FAF1: variants seen among roughly 807,000 people sequenced by gnomAD.
FAF1 encodes FAS-associated factor 1.
FAF1 carries 25 observed loss-of-function variants against 92.5 expected under a neutral mutation model. That is an observed-to-expected ratio of 0.27 (90% CI 0.20 to 0.38). FAF1 has a LOEUF of 0.38. Among genes scored for constraint, FAF1 ranks in the 10% least tolerant of loss-of-function variants. The probability of loss-of-function intolerance (pLI) is 1.00; values close to 1 mark genes in which losing one functional copy is unlikely to be tolerated. For missense variants in FAF1, 636 were observed against 793.3 expected (o/e 0.80, Z 2.38); for synonymous variants, 234 against 273.2 (o/e 0.86, Z 1.42).
At chr1:50,940,685 T>C (rs1645125529) in intron 1 of FAF1, among the ~76,000 whole-genome samples, 1 of 152,252 alleles carries the variant, frequency 6.6e-6, no homozygotes. Context: ...AACATAATTA[T>C]TTACAGGTAC....
chr1:50,958,121 C>A (rs1283007236), intron 1 of FAF1, among the ~76,000 whole-genome samples: 1 of 152,040 alleles, frequency 6.6e-6, no homozygotes, highest in Non-Finnish European at 1.5e-5. Flanking sequence ...CATGGCAAGG[C>A]CCATCTCTAA....
At chr1:50,724,296 T>TACACACACACACACAC (rs974347882) in intron 6 of FAF1, among the ~76,000 whole-genome samples, 4 of 117,218 alleles carry the variant, frequency 3.4e-5, no homozygotes, top group South Asian at 2.8e-4. Flanking sequence ...CACACACACA[T>TACACACACACACACAC]ACACACACAC....
At chr1:50,905,802 C>A (rs924285058) in intron 1 of FAF1, among the ~76,000 whole-genome samples, 1 of 152,108 alleles carries the variant, frequency 6.6e-6, no homozygotes, top group African/African-American at 2.4e-5. Context: ...GGGTAGATTG[C>A]AAAATTTTTC....
intron 12 of FAF1, among the ~76,000 whole-genome samples, chr1:50,568,730 G>A (rs953335159): frequency 1.3e-5 from 2 of 152,158 alleles, no homozygotes; most frequent in Admixed American, 6.5e-5. Flanking sequence ...CTCTCAGATT[G>A]TCTAACTCCA....
chr1:50,845,899 G>A (rs1644294773), intron 2 of FAF1, among the ~76,000 whole-genome samples: 1 of 151,964 alleles, frequency 6.6e-6, no homozygotes, highest in Admixed American at 6.5e-5. Flanking sequence ...AAGACGGGTG[G>A]ATCACCTGAG....
intron 8 of FAF1, among the ~76,000 whole-genome samples, chr1:50,599,789 T>C (rs886161524): frequency 7.2e-5 from 11 of 152,166 alleles, no homozygotes; most frequent in African/African-American, 2.7e-4. Flanking sequence ...AAACAAATGA[T>C]GGGCAGACAA....
intron 6 of FAF1, among the ~76,000 whole-genome samples, chr1:50,722,329 T>C (rs1487949352): frequency 1.3e-5 from 2 of 152,098 alleles, no homozygotes; most frequent in African/African-American, 4.8e-5. Context: ...TCTAGAATGC[T>C]CAAAGACACG....
At chr1:50,567,648 C>T (rs887846815) in intron 12 of FAF1, among the ~76,000 whole-genome samples, 1 of 151,964 alleles carries the variant, frequency 6.6e-6, no homozygotes, top group East Asian at 1.9e-4. Flanking sequence ...TGACAAAATT[C>T]CTCTTACATA....
chr1:50,908,936 T>G (rs60244988), intron 1 of FAF1, among the ~76,000 whole-genome samples: 13,139 of 152,256 alleles, frequency 0.086, 583 homozygotes, highest in African/African-American at 0.098. Flanking sequence ...GCTGGTTACT[T>G]TCCTCATTAG....
At chr1:50,899,291 T>C (rs1644778768) in intron 1 of FAF1, among the ~76,000 whole-genome samples, 1 of 152,230 alleles carries the variant, frequency 6.6e-6, no homozygotes, top group Non-Finnish European at 1.5e-5. Flanking sequence ...ACATATGAAA[T>C]ATAGGTATAA....
intron 18 of FAF1, chr1:50,471,260 A>G (rs549647090): frequency 6.6e-6 from 1 of 152,362 alleles, no homozygotes; most frequent in South Asian, 2.1e-4. Context: ...TACAAGGGTG[A>G]GATCTATGCC....
intron 18 of FAF1, among the ~76,000 whole-genome samples, chr1:50,463,964 A>C (rs987693635): frequency 6.6e-6 from 1 of 152,200 alleles, no homozygotes; most frequent in Non-Finnish European, 1.5e-5. Flanking sequence ...ATGTTGAGAG[A>C]AGACAGAATA....
chr1:50,788,884 A>G (rs1661464417), intron 3 of FAF1, among the ~76,000 whole-genome samples: 1 of 152,124 alleles, frequency 6.6e-6, no homozygotes, highest in African/African-American at 2.4e-5. Flanking sequence ...CAGGCTGGAC[A>G]GCAGTGGCAC....
chr1:50,485,667 C>CAAAAAAAAAAAAAAAAAA (rs999538430), intron 17 of FAF1, among the ~76,000 whole-genome samples: 3 of 13,714 alleles, frequency 2.2e-4, no homozygotes, highest in African/African-American at 4.7e-4. Flanking sequence ...GAGACTGTCT[C>CAAAAAAAAAAAAAAAAAA]AAAAAAAAAA....
intron 1 of FAF1, among the ~76,000 whole-genome samples, chr1:50,925,571 T>C (rs550873441): frequency 1.8e-3 from 281 of 152,154 alleles, no homozygotes; most frequent in Non-Finnish European, 3.3e-3. Context: ...CCGCTCAGAA[T>C]GGCTATTATC....
At chr1:50,778,965 T>C (rs1365856300) in intron 4 of FAF1, among the ~76,000 whole-genome samples, 1 of 152,216 alleles carries the variant, frequency 6.6e-6, no homozygotes, top group Non-Finnish European at 1.5e-5. Flanking sequence ...TCTTTTACAG[T>C]TGGAGTCAAT....
intron 6 of FAF1, among the ~76,000 whole-genome samples, chr1:50,709,198 C>T (rs376047736): frequency 6.6e-6 from 1 of 152,144 alleles, no homozygotes; most frequent in Non-Finnish European, 1.5e-5. Context: ...TCCTCCTTTC[C>T]TTTGCTCCCT....
intron 1 of FAF1, among the ~76,000 whole-genome samples, chr1:50,894,320 A>C (rs899084469): frequency 1.6e-4 from 23 of 144,706 alleles, no homozygotes; most frequent in African/African-American, 6.2e-4. Flanking sequence ...AAAAAAAAAA[A>C]AAAAAAAAAA....
chr1:50,504,548 G>C (rs1213630773), intron 15 of FAF1, among the ~76,000 whole-genome samples: 1 of 151,756 alleles, frequency 6.6e-6, no homozygotes, highest in Non-Finnish European at 1.5e-5. Context: ...AAGTCTAGAA[G>C]AGAATACAGT....
Sources: gnomAD v4.1 joint callset for allele counts (sites outside exome capture counted in the v4.1 genomes callset) on GRCh38, gnomAD v4.1.1 for gene constraint, MANE v1.5 for transcripts, NCBI Gene and HGNC (gene_info 2026-07-23, HGNC 2026-07-21) for gene names.